JARID2: variants seen among roughly 807,000 people sequenced by gnomAD.
JARID2 encodes the protein jumonji and AT-rich interaction domain containing 2, also known as protein Jumonji.
JARID2 carries 21 observed loss-of-function variants against 125.6 expected under a neutral mutation model. The ratio of observed to expected loss-of-function variants is 0.17; its 90% confidence interval spans 0.12 to 0.24. JARID2 has a LOEUF of 0.24. Ranked by LOEUF, JARID2 falls within the 10% of genes least tolerant of loss-of-function variation. The probability of loss-of-function intolerance (pLI) is 1.00; values close to 1 mark genes in which losing one functional copy is unlikely to be tolerated. For missense variants in JARID2, 1,303 were observed against 1,639.6 expected (o/e 0.79, Z 3.55); for synonymous variants, 736 against 661.6 (o/e 1.11, Z -1.73).
intron 3 of JARID2, among the ~76,000 whole-genome samples, chr6:15,418,216 CTTTTTTT>C (rs56801667): frequency 8.5e-6 from 1 of 117,800 alleles, no homozygotes; most frequent in Non-Finnish European, 1.7e-5. Context: ...CTATATTCCT[CTTTTTTT>C]TTTTTTTTTT....
At chr6:15,480,672 C>T (rs555805710) in intron 5 of JARID2, among the ~76,000 whole-genome samples, 189 of 152,288 alleles carry the variant, frequency 1.2e-3, no homozygotes, top group Non-Finnish European at 2.1e-3. Flanking sequence ...TTGCGCAACT[C>T]CTTTCTCTGA....
At chr6:15,247,831 T>C in intron 1 of JARID2, 2 of 985,422 alleles carry the variant, frequency 2.0e-6, no homozygotes, top group Non-Finnish European at 2.4e-6. Context: ...CCATAAAGAA[T>C]TTAAGAATTA....
chr6:15,472,263 G>A (rs2299041), intron 5 of JARID2, among the ~76,000 whole-genome samples: 7 of 151,720 alleles, frequency 4.6e-5, no homozygotes, highest in Non-Finnish European at 1.0e-4. Context: ...TCCCTCTTCC[G>A]CCCTGTCTCT....
intron 1 of JARID2, among the ~76,000 whole-genome samples, chr6:15,365,370 G>C (rs1238064188): frequency 1.3e-5 from 2 of 152,132 alleles, no homozygotes; most frequent in African/African-American, 4.8e-5. Context: ...TTAATGCCGT[G>C]TTGCGTGGTT....
intron 1 of JARID2, among the ~76,000 whole-genome samples, chr6:15,364,260 T>A (rs955364822): frequency 3.3e-5 from 5 of 152,166 alleles, no homozygotes; most frequent in African/African-American, 1.2e-4. Flanking sequence ...AGGGCCGTAA[T>A]TCTAACCAGC....
intron 7 of JARID2, 31 bp downstream of exon 7, chr6:15,497,201 G>GCCTGCCCT (rs1201823301): frequency 1.4e-6 from 2 of 1,480,510 alleles, no homozygotes; most frequent in African/African-American, 2.8e-5. Flanking sequence ...AGGGGGTGGT[G>GCCTGCCCT]CCTGCCCTCC....
At chr6:15,458,337 C>G (rs1220725193) in intron 4 of JARID2, among the ~76,000 whole-genome samples, 1 of 152,204 alleles carries the variant, frequency 6.6e-6, no homozygotes, top group Non-Finnish European at 1.5e-5. Flanking sequence ...GCATGCAAAC[C>G]TACATACACA....
intron 1 of JARID2, among the ~76,000 whole-genome samples, chr6:15,348,474 A>G (rs1763318949): frequency 6.6e-6 from 1 of 152,156 alleles, no homozygotes; most frequent in Admixed American, 6.5e-5. Context: ...AGTATTTTTT[A>G]AATTATATTT....
intron 2 of JARID2, among the ~76,000 whole-genome samples, chr6:15,384,595 A>C (rs1424535321): frequency 6.6e-6 from 1 of 151,600 alleles, no homozygotes; most frequent in East Asian, 1.9e-4. Context: ...TTTACTATTT[A>C]TTTATTTATT....
At position 15,501,085 on chromosome 6, in the gene JARID2, C is replaced by T. The variant is rs375454724; in HGVS notation, c.2124C>T (p.Tyr708=). The T allele has an allele frequency of 2.8e-5, 45 of 1,613,860 alleles. 1 individual carries two copies. Among genetic ancestry groups the T allele is most frequent in the African/African-American group, 1.2e-4 (9 of 74,912 alleles). The part of the protein sequence containing the change: ...QEAYCQYLLS[Y]DSLSPEEHRR... ...CCTACTGCCAGTACCTACTCTCCTA[C>T]GACTCCCTGTCCCCAGAGGAGCACC... Residue 708 remains tyrosine, a synonymous_variant, in exon 8 of 18, where the codon TAC becomes TAT. Transcript: ENST00000341776.
At chr6:15,492,079 G>A (rs376930782) in intron 6 of JARID2, among the ~76,000 whole-genome samples, 195 of 152,276 alleles carry the variant, frequency 1.3e-3, no homozygotes, top group Non-Finnish European at 1.6e-3. Context: ...TCTCATGGCC[G>A]TGTGCCTGGG....
At chr6:15,379,168 A>G (rs977029894) in intron 2 of JARID2, among the ~76,000 whole-genome samples, 3 of 147,020 alleles carry the variant, frequency 2.0e-5, no homozygotes, top group Non-Finnish European at 3.0e-5. Context: ...CAAGGAATGA[A>G]TTTTTTTTTT....
intron 4 of JARID2, 128 bp downstream of exon 4, chr6:15,452,303 G>A (rs1767953435): frequency 7.4e-7 from 1 of 1,353,736 alleles, no homozygotes; most frequent in Non-Finnish European, 9.7e-7. Context: ...GGTTGAGGGG[G>A]AATTGAAAGT....
chr6:15,436,451 T>A (rs770876026), intron 3 of JARID2, among the ~76,000 whole-genome samples: 1 of 152,172 alleles, frequency 6.6e-6, no homozygotes, highest in Non-Finnish European at 1.5e-5. Context: ...TCCAGCAGCT[T>A]GTGTCTATGT....
At chr6:15,425,450 C>T (rs766101087) in intron 3 of JARID2, among the ~76,000 whole-genome samples, 5 of 152,248 alleles carry the variant, frequency 3.3e-5, no homozygotes, top group Non-Finnish European at 5.9e-5. Context: ...GAATGTGCCC[C>T]CCAAATTTCA....
chr6:15,374,090 C>G, intron 1 of JARID2, 27 bp from the exon 2 acceptor site: 1 of 1,608,800 alleles, frequency 6.2e-7, no homozygotes, highest in East Asian at 2.2e-5. Context: ...TATTCAGTAA[C>G]TCCTCTCTTT....
chr6:15,444,863 T>C (rs1767606798), intron 3 of JARID2, among the ~76,000 whole-genome samples: 1 of 149,754 alleles, frequency 6.7e-6, no homozygotes, highest in African/African-American at 2.5e-5. Flanking sequence ...ATTGGAAAAT[T>C]GAGTTAATAA....
intron 8 of JARID2, 75 bp from the exon 9 acceptor site, chr6:15,504,425 G>T: frequency 9.2e-7 from 1 of 1,091,252 alleles, no homozygotes; most frequent in South Asian, 1.3e-5. Flanking sequence ...AGCGGCCCAT[G>T]ACAGGTGTCT....
intron 5 of JARID2, among the ~76,000 whole-genome samples, chr6:15,473,274 G>T (rs1002158759): frequency 6.6e-6 from 1 of 152,150 alleles, no homozygotes; most frequent in Admixed American, 6.5e-5. Flanking sequence ...GTAAGCCCCT[G>T]TGCTGACGTA....
Sources: gnomAD v4.1 joint callset for allele counts (sites outside exome capture counted in the v4.1 genomes callset) on GRCh38, gnomAD v4.1.1 for gene constraint, MANE v1.5 for transcripts, NCBI Gene and HGNC (gene_info 2026-07-23, HGNC 2026-07-21) for gene names.